IFT57: variants seen among roughly 807,000 people sequenced by gnomAD.
IFT57 encodes the protein intraflagellar transport protein 57 homolog.
In IFT57, 59 loss-of-function variants were observed where a neutral mutation model predicts 56.8. That is an observed-to-expected ratio of 1.04 (90% CI 0.84 to 1.29). The LOEUF is 1.29. IFT57 is among the 50% of genes most tolerant of loss of function. IFT57 has a pLI of 0.00. For synonymous variants in IFT57, 209 were observed against 186.1 expected, an observed-to-expected ratio of 1.12 and a Z score of -1.00; for missense variants, 470 against 522.1, an observed-to-expected ratio of 0.90 and a Z score of 0.97.
chr3:108,184,484 T>C (rs2080168873), intron 6 of IFT57, among the ~76,000 whole-genome samples: 1 of 152,110 alleles, frequency 6.6e-6, no homozygotes, highest in South Asian at 2.1e-4. Context: ...TATACATAGA[T>C]ACTAGTCTAT....
chr3:108,190,840 T>C (rs2080211278), intron 6 of IFT57, among the ~76,000 whole-genome samples: 2 of 152,248 alleles, frequency 1.3e-5, no homozygotes, highest in African/African-American at 2.4e-5. Context: ...TCATCCAGGC[T>C]GGAGTGCAGT....
intron 5 of IFT57, among the ~76,000 whole-genome samples, chr3:108,194,477 TA>T (rs3053409): frequency 6.1e-4 from 90 of 148,360 alleles, no homozygotes; most frequent in Non-Finnish European, 8.4e-4. Flanking sequence ...TTCACAGAAA[TA>T]AAAAAAAAAA....
chr3:108,188,087 C>T (rs939516127), intron 6 of IFT57, among the ~76,000 whole-genome samples: 1 of 152,038 alleles, frequency 6.6e-6, no homozygotes. Context: ...TCCTTCCCCC[C>T]TCCTCCCACC....
At chr3:108,174,206 T>G (rs2080111570) in intron 6 of IFT57, among the ~76,000 whole-genome samples, 1 of 151,700 alleles carries the variant, frequency 6.6e-6, no homozygotes, top group African/African-American at 2.4e-5. Context: ...TTTAATATAG[T>G]TATAATGGAA....
intron 6 of IFT57, among the ~76,000 whole-genome samples, chr3:108,188,744 T>C (rs970673988): frequency 1.3e-5 from 2 of 152,216 alleles, no homozygotes; most frequent in African/African-American, 2.4e-5. Flanking sequence ...ACTCAGGATT[T>C]TGATGATGGC....
At chr3:108,197,806 C>G (rs149623518) in intron 5 of IFT57, among the ~76,000 whole-genome samples, 255 of 152,186 alleles carry the variant, frequency 1.7e-3, no homozygotes, top group South Asian at 0.012. Context: ...GCTCAAATCC[C>G]ACCTCCATGA....
Position 108,207,815 on chromosome 3 carries a change from A to G in IFT57, c.586-1119T>C, listed in dbSNP as rs1006207021. Among the ~76,000 whole-genome samples the G allele has an allele frequency of 3.9e-5, 6 of 152,106 alleles. No individual in the cohort carries two copies. The East Asian group carries it at 7.7e-4, about 20-fold the overall frequency. On this transcript the variant is annotated intron_variant, in intron 4 of 10. Transcript: ENST00000264538. ...TCCCAGCACTTTGGGAGGCCGAGGC[A>G]GGCGGATCACGAGGTCAGGAGATCG...
intron 3 of IFT57, chr3:108,218,305 T>G (rs1443899076): frequency 1.4e-5 from 4 of 290,908 alleles, no homozygotes; most frequent in South Asian, 2.4e-4. Flanking sequence ...AATTACATAT[T>G]TGAACAGGAA....
chr3:108,189,932 TAAGTGG>T (rs1460160825), intron 6 of IFT57, among the ~76,000 whole-genome samples: 15 of 152,308 alleles, frequency 9.8e-5, no homozygotes, highest in African/African-American at 3.6e-4. Flanking sequence ...TACTATTCAT[TAAGTGG>T]AAGTGGATCA....
chr3:108,174,895 T>C (rs931030929), intron 6 of IFT57, among the ~76,000 whole-genome samples: 4 of 151,816 alleles, frequency 2.6e-5, no homozygotes, highest in African/African-American at 9.7e-5. Flanking sequence ...TGAAAATAAA[T>C]ATGTTATTGC....
chr3:108,205,977 T>C (rs1422625488), intron 5 of IFT57, among the ~76,000 whole-genome samples: 2 of 34,810 alleles, frequency 5.7e-5, no homozygotes. Flanking sequence ...TATATTTATA[T>C]ATAATATATA....
intron 6 of IFT57, among the ~76,000 whole-genome samples, chr3:108,174,012 G>A (rs1036048950): frequency 2.7e-4 from 40 of 147,646 alleles, no homozygotes; most frequent in South Asian, 1.3e-3. Flanking sequence ...GTGTGTGTGT[G>A]TGTGTGTGTG....
chr3:108,167,383 C>T (rs1346468131), intron 7 of IFT57, among the ~76,000 whole-genome samples: 1 of 151,872 alleles, frequency 6.6e-6, no homozygotes, highest in Non-Finnish European at 1.5e-5. Flanking sequence ...GGACACATAA[C>T]TTTTCAGTCT....
intron 5 of IFT57, among the ~76,000 whole-genome samples, chr3:108,192,891 A>T (rs1296716665): frequency 7.4e-6 from 1 of 135,758 alleles, no homozygotes; most frequent in Non-Finnish European, 1.6e-5. Flanking sequence ...ATATTTACAG[A>T]TGAATTGACA....
At chr3:108,193,119 C>T (rs2080225182) in intron 5 of IFT57, among the ~76,000 whole-genome samples, 1 of 152,194 alleles carries the variant, frequency 6.6e-6, no homozygotes. Flanking sequence ...ATTACATTCT[C>T]AATATATATT....
intron 1 of IFT57, among the ~76,000 whole-genome samples, chr3:108,221,411 C>CA (rs1340938161): frequency 6.6e-6 from 1 of 152,176 alleles, no homozygotes; most frequent in Non-Finnish European, 1.5e-5. Flanking sequence ...GCATTGCTTT[C>CA]AGGATATGTT....
intron 6 of IFT57, 96 bp from the exon 7 acceptor site, chr3:108,167,960 C>G: frequency 2.3e-6 from 2 of 853,944 alleles, no homozygotes; most frequent in Non-Finnish European, 1.7e-6. Context: ...TACTTTGGTT[C>G]CTGCCCTATT....
At chr3:108,213,304 T>TC (rs1488170103) in intron 4 of IFT57, among the ~76,000 whole-genome samples, 2 of 152,018 alleles carry the variant, frequency 1.3e-5, no homozygotes, top group African/African-American at 2.4e-5. Flanking sequence ...GTTTGTTTTT[T>TC]CCCCCAACCA....
chr3:108,177,421 C>A (rs35156959), intron 6 of IFT57, among the ~76,000 whole-genome samples: 14,355 of 151,640 alleles, frequency 0.095, 1,450 homozygotes, highest in East Asian at 0.53. Context: ...ACAAAAATTA[C>A]AGATCAATAC....
Sources: gnomAD v4.1 joint callset for allele counts (sites outside exome capture counted in the v4.1 genomes callset) on GRCh38, gnomAD v4.1.1 for gene constraint, MANE v1.5 for transcripts, NCBI Gene and HGNC (gene_info 2026-07-23, HGNC 2026-07-21) for gene names.